Variants in DHX57 observed in about 807,000 individuals in gnomAD.
DHX57 encodes DExH-box helicase 57.
In DHX57, 105 loss-of-function variants were observed where a neutral mutation model predicts 156.2. That is an observed-to-expected ratio of 0.67 (90% CI 0.57 to 0.79). DHX57 has a LOEUF of 0.79. DHX57 is among the 30% of genes least tolerant of loss of function. The pLI is 0.00. For missense variants in DHX57, 1,847 were observed against 1,661.9 expected (o/e 1.11, Z -1.94); for synonymous variants, 704 against 595.6 (o/e 1.18, Z -2.65).
At chr2:38,822,040 C>G (rs760728144) in intron 17 of DHX57, among the ~76,000 whole-genome samples, 11 of 152,300 alleles carry the variant, frequency 7.2e-5, no homozygotes, top group African/African-American at 2.4e-4. Flanking sequence ...CCACCACCCC[C>G]CGGCCCAGGT....
At chr2:38,818,781 G>T in intron 19 of DHX57, 96 bp downstream of exon 19, 1 of 1,314,036 alleles carries the variant, frequency 7.6e-7, no homozygotes, top group Non-Finnish European at 1.1e-6. Flanking sequence ...AATAACATTT[G>T]CAATGTTAAG....
chr2:38,855,641 A>C (rs576109493), intron 7 of DHX57, among the ~76,000 whole-genome samples: 1 of 152,170 alleles, frequency 6.6e-6, no homozygotes, highest in Non-Finnish European at 1.5e-5. Flanking sequence ...TAAAAAGATA[A>C]ACTAGAAGGT....
At chr2:38,874,330 A>G (rs1051953126) in intron 1 of DHX57, among the ~76,000 whole-genome samples, 1 of 151,676 alleles carries the variant, frequency 6.6e-6, no homozygotes, top group Admixed American at 6.6e-5. Flanking sequence ...AGCTCAAGCA[A>G]TCGTCTCACC....
chr2:38,831,297 T>A (rs1671365046), intron 13 of DHX57, among the ~76,000 whole-genome samples: 1 of 149,406 alleles, frequency 6.7e-6, no homozygotes, highest in Admixed American at 6.9e-5. Context: ...CTGCTTTAAA[T>A]TTAGGTAATT....
At chr2:38,841,105 G>A (rs775391086) in intron 12 of DHX57, among the ~76,000 whole-genome samples, 3 of 152,220 alleles carry the variant, frequency 2.0e-5, no homozygotes, top group Non-Finnish European at 2.9e-5. Flanking sequence ...TTATAGGCGT[G>A]AGCCACCATG....
At chr2:38,822,859 G>T in intron 17 of DHX57, 134 bp downstream of exon 17, 4 of 867,328 alleles carry the variant, frequency 4.6e-6, no homozygotes, top group South Asian at 2.0e-5. Flanking sequence ...CCATGCAGAT[G>T]TGCCCTAAAA....
intron 19 of DHX57, among the ~76,000 whole-genome samples, chr2:38,817,402 T>C (rs1462007087): frequency 6.6e-6 from 1 of 151,966 alleles, no homozygotes; most frequent in Non-Finnish European, 1.5e-5. Flanking sequence ...GAAACCTTCA[T>C]CTCCTGGGTT....
intron 11 of DHX57, among the ~76,000 whole-genome samples, chr2:38,845,924 G>C (rs1401146304): frequency 1.3e-5 from 2 of 148,966 alleles, no homozygotes; most frequent in Non-Finnish European, 3.0e-5. Context: ...GGAGTGCAAT[G>C]GCGTGGTCTC....
At chr2:38,827,633 C>G (rs1671170171) in intron 14 of DHX57, among the ~76,000 whole-genome samples, 1 of 149,604 alleles carries the variant, frequency 6.7e-6, no homozygotes, top group South Asian at 2.1e-4. Flanking sequence ...AAACTTCATT[C>G]TTACATTTTA....
chr2:38,833,595 T>C (rs1324770797), intron 13 of DHX57, among the ~76,000 whole-genome samples: 1 of 152,072 alleles, frequency 6.6e-6, no homozygotes, highest in Non-Finnish European at 1.5e-5. Context: ...GGACTGCAAG[T>C]GAGGTTAAGA....
chr2:38,806,727 AAT>A, intron 21 of DHX57, 34 bp from the exon 22 acceptor site: 1 of 1,589,088 alleles, frequency 6.3e-7, no homozygotes, highest in Non-Finnish European at 8.6e-7. Context: ...ATAGACATAT[AAT>A]ATATATATTC....
At chr2:38,874,452 C>A (rs1162762596) in intron 1 of DHX57, among the ~76,000 whole-genome samples, 3 of 135,784 alleles carry the variant, frequency 2.2e-5, no homozygotes, top group Non-Finnish European at 4.6e-5. Flanking sequence ...CTCTGTCGCC[C>A]AGGCTGGAGT....
At chr2:38,811,474 T>C (rs1445764908) in intron 21 of DHX57, 8 of 684,968 alleles carry the variant, frequency 1.2e-5, no homozygotes, top group East Asian at 6.0e-5. Context: ...ACGTCCTCAA[T>C]GAACACCTTT....
chr2:38,861,712 G>C lies in DHX57; in HGVS notation c.698C>G (p.Ser233Cys), dbSNP rs776506087. Residue 233 changes from serine (S) to cysteine (C), a missense_variant, in exon 5 of 24, where the codon TCT (serine) becomes TGT (cysteine). Transcript: ENST00000457308. ...SETFGERMKI[S>C]EAVNQISLDE... is the part of the protein sequence containing the mutation. ...CAAGCTTATCTGGTTGACTGCCTCAGAGATCTTCATCCTCTCTCCAAATGT... is the reference window on the plus strand; with the variant it reads ...CAAGCTTATCTGGTTGACTGCCTCACAGATCTTCATCCTCTCTCCAAATGT... The C allele has an allele frequency of 1.2e-6, 2 of 1,614,146 alleles. No individual in the cohort carries two copies. Among genetic ancestry groups the C allele is most frequent in the African/African-American group, 1.3e-5 (1 of 75,036 alleles).
intron 9 of DHX57, chr2:38,853,820 C>A (rs1465496751): frequency 6.4e-6 from 2 of 314,938 alleles, no homozygotes; most frequent in Non-Finnish European, 1.2e-5. Context: ...GTGAAGTATA[C>A]CTTCTAACCT....
At chr2:38,813,424 G>A (rs551194377) in intron 21 of DHX57, among the ~76,000 whole-genome samples, 1 of 151,600 alleles carries the variant, frequency 6.6e-6, no homozygotes, top group South Asian at 2.1e-4. Context: ...AGGCTGGAGT[G>A]CAGTGGCGCA....
At chr2:38,833,634 A>G (rs1383016376) in intron 13 of DHX57, among the ~76,000 whole-genome samples, 1 of 152,226 alleles carries the variant, frequency 6.6e-6, no homozygotes, top group Non-Finnish European at 1.5e-5. Context: ...GACAGTGAGT[A>G]AAGTAGTGAT....
chr2:38,854,165 C>A lies in DHX57; in HGVS notation c.1919G>T (p.Arg640Ile), dbSNP rs1404454454. The A allele has an allele frequency of 6.2e-7, 1 of 1,613,696 alleles. No homozygotes were observed. The highest frequency in any genetic ancestry group is 1.7e-5 in the Admixed American group (1 of 60,000). The stretch of plus-strand genomic sequence containing the variant: ...CACTCCCGTGGTGCAGTATAACAGT[C>A]TGGTGGCTGAGGACTTACACATGAA... ...RLESVKSSAT[R>I]LLYCTTGVLL... Residue 640 changes from arginine to isoleucine, a missense_variant, in exon 9 of 24, where the codon AGA (arginine) becomes ATA (isoleucine). Physicochemically the swap from Arg to Ile is moderately conservative, Grantham distance 97. Transcript: ENST00000457308.
intron 2 of DHX57, among the ~76,000 whole-genome samples, chr2:38,864,948 C>A (rs1279934677): frequency 6.6e-6 from 1 of 152,088 alleles, no homozygotes; most frequent in Non-Finnish European, 1.5e-5. Flanking sequence ...CTTGACCTAC[C>A]AGAAGCATTT....
Sources: allele counts gnomAD v4.1 joint callset (sites outside exome capture counted in the v4.1 genomes callset), GRCh38; gene constraint gnomAD v4.1.1; transcripts MANE v1.5; gene names NCBI Gene and HGNC (gene_info 2026-07-23, HGNC 2026-07-21).